Variants in TVP23A observed in about 807,000 individuals in gnomAD.
TVP23A encodes the protein trans-golgi network vesicle protein 23 homolog A.
Under a neutral mutation model 31.7 loss-of-function variants are expected in TVP23A, and 21 were observed. The ratio of observed to expected loss-of-function variants is 0.66; its 90% confidence interval spans 0.47 to 0.95. TVP23A has a LOEUF of 0.95. Ranked by LOEUF, TVP23A falls within the 40% of genes least tolerant of loss-of-function variation. The pLI is 0.00. For missense variants in TVP23A, 279 were observed against 255.6 expected (o/e 1.09, Z -0.62); for synonymous variants, 104 against 96.0 (o/e 1.08, Z -0.49).
chr16:10,761,977 C>A, downstream of TVP23A: 1 of 759,654 alleles, frequency 1.3e-6, no homozygotes, highest in Non-Finnish European at 2.1e-6. Context: ...GTCAATGGGG[C>A]GCTGGAGCCA....
intron 2 of TVP23A, among the ~76,000 whole-genome samples, chr16:10,794,375 TA>T (rs1400375623): frequency 4.6e-5 from 7 of 152,196 alleles, no homozygotes; most frequent in African/African-American, 1.7e-4. Flanking sequence ...CATACTGGAT[TA>T]GGGGCCTGCC....
chr16:10,781,682 G>A (rs918895597), intron 2 of TVP23A, among the ~76,000 whole-genome samples: 6 of 152,110 alleles, frequency 3.9e-5, no homozygotes, highest in Non-Finnish European at 5.9e-5. Flanking sequence ...TACAACCTAA[G>A]GGCCAAATCT....
At chr16:10,761,575 T>A in intron 8 of TVP23A, 1 of 1,118,170 alleles carries the variant, frequency 8.9e-7, no homozygotes, top group South Asian at 1.4e-5. Flanking sequence ...TTCCCTGTCA[T>A]TTTGGGAAGT....
chr16:10,777,152 A>T lies in TVP23A; in HGVS notation c.90-2056T>A, dbSNP rs2032086520. 6.6e-6 allele frequency among the ~76,000 whole-genome samples: 1 copy of T among 152,074 alleles called. No individual in the cohort carries two copies. Among genetic ancestry groups the T allele is most frequent in the African/African-American group, 2.4e-5 (1 of 41,408 alleles). On this transcript the variant is annotated intron_variant, in intron 2 of 7. Coordinates refer to ENST00000299866, the MANE Select transcript of TVP23A (RefSeq NM_001079512.4). The surrounding 1 kb of genome is among the most constrained non-coding windows in gnomAD (Gnocchi z 4.5). ...CTGACACAGTGATGGATGAGAATGA[A>T]ACCCGCACCTCAGGGCAGGGGAGGA...
At chr16:10,798,892 G>T (rs938337164) in intron 2 of TVP23A, among the ~76,000 whole-genome samples, 3 of 152,212 alleles carry the variant, frequency 2.0e-5, no homozygotes, top group Admixed American at 2.0e-4. Flanking sequence ...TCGATCTCCT[G>T]ACCTCATGAT....
At chr16:10,761,411 G>A (rs1211659961) in exon 9 of TVP23A, 12 of 1,614,156 alleles carry the variant, frequency 7.4e-6, no homozygotes, top group South Asian at 2.2e-5. Flanking sequence ...TCTGCCGCAA[G>A]GTGAAGCTGC....
At chr16:10,762,143 A>G (rs538987799), downstream of TVP23A, 427 of 293,940 alleles carry the variant, frequency 1.5e-3, no homozygotes, top group African/African-American at 8.5e-3. Context: ...GGGACTGAGG[A>G]GGGCACCCGA....
intron 2 of TVP23A, among the ~76,000 whole-genome samples, chr16:10,817,639 C>T (rs1270695793): frequency 1.3e-5 from 2 of 152,230 alleles, no homozygotes; most frequent in East Asian, 1.9e-4. Flanking sequence ...TCCCCTCTGG[C>T]CTCAGTGGCT....
At chr16:10,791,845 G>C (rs966110862) in intron 2 of TVP23A, among the ~76,000 whole-genome samples, 2 of 152,242 alleles carry the variant, frequency 1.3e-5, no homozygotes, top group Admixed American at 6.5e-5. Context: ...TCAGTCTCCT[G>C]ACCTCATGAT....
intron 4 of TVP23A, 34 bp downstream of exon 4, chr16:10,774,005 C>CGCGG: frequency 6.5e-7 from 1 of 1,547,234 alleles, no homozygotes; most frequent in Non-Finnish European, 8.9e-7. Context: ...CCATTATCCC[C>CGCGG]GCTCTGGTTA....
At chr16:10,757,788 C>A (rs186154096), downstream of TVP23A, 2 of 1,534,124 alleles carry the variant, frequency 1.3e-6, no homozygotes, top group East Asian at 2.3e-5. This position sits in a 1 kb window ranked among gnomAD's most constrained non-coding sequence, Gnocchi z 4.1. Context: ...CATAGCAAGA[C>A]CCCATCCTTT....
intron 2 of TVP23A, among the ~76,000 whole-genome samples, chr16:10,797,538 A>C (rs2033454655): frequency 6.8e-6 from 1 of 146,520 alleles, no homozygotes; most frequent in Non-Finnish European, 1.5e-5. Context: ...GGTAACAAGG[A>C]AGAAACTTCA....
At chr16:10,761,604 C>T in intron 8 of TVP23A, 1 of 989,984 alleles carries the variant, frequency 1.0e-6, no homozygotes, top group South Asian at 1.6e-5. Context: ...AATTAAAATC[C>T]CTTTCTGCTG....
intron 3 of TVP23A, among the ~76,000 whole-genome samples, chr16:10,774,513 T>A (rs1439684188): frequency 6.6e-6 from 1 of 151,788 alleles, no homozygotes; most frequent in African/African-American, 2.4e-5. Context: ...ACAGGCAGTT[T>A]CCCCCACACT....
chr16:10,791,752 C>T (rs1009215688), intron 2 of TVP23A, among the ~76,000 whole-genome samples: 4 of 152,132 alleles, frequency 2.6e-5, no homozygotes, highest in East Asian at 1.9e-4. Context: ...GGACTACAGG[C>T]GCGTGCCACC....
chr16:10,770,565 T>TAAAAAAAAA (rs150195896), intron 6 of TVP23A, among the ~76,000 whole-genome samples: 1 of 141,930 alleles, frequency 7.0e-6, no homozygotes. Flanking sequence ...TCTATTAAGT[T>TAAAAAAAAA]AAAAAAAAAA....
intron 2 of TVP23A, among the ~76,000 whole-genome samples, chr16:10,778,269 G>A (rs762769714): frequency 1.3e-5 from 2 of 152,280 alleles, no homozygotes; most frequent in South Asian, 4.2e-4. Context: ...GGGAGGTGGA[G>A]GTTGCAGTGA....
rs2032082756 is a variant in TVP23A, at chr16:10,777,106, G to C, written c.90-2010C>G. 6.6e-6 allele frequency among the ~76,000 whole-genome samples: 1 copy of C among 152,130 alleles called. No homozygotes were observed. The highest frequency in any genetic ancestry group is 1.5e-5 in the Non-Finnish European group (1 of 68,020). On this transcript the variant is annotated intron_variant, in intron 2 of 7. Coordinates refer to ENST00000299866, the MANE Select transcript of TVP23A (RefSeq NM_001079512.4). This position sits in a 1 kb window ranked among gnomAD's most constrained non-coding sequence, Gnocchi z 4.5. ...TTACCCAGCCCCTATTCAAGATGGA[G>C]TTGCTCTGGTTCACACGCCTCTGAC...
At chr16:10,762,757 A>G (rs1029817345), downstream of TVP23A, among the ~76,000 whole-genome samples, 16 of 150,806 alleles carry the variant, frequency 1.1e-4, no homozygotes, top group East Asian at 3.1e-3. Context: ...CCGGGACAGG[A>G]GAGAGGGGCC....
Sources: allele counts gnomAD v4.1 joint callset (sites outside exome capture counted in the v4.1 genomes callset), GRCh38; gene constraint gnomAD v4.1.1; non-coding constraint Gnocchi (gnomAD v3.1); transcripts MANE v1.5; gene names NCBI Gene and HGNC (gene_info 2026-07-23, HGNC 2026-07-21).